The following SOX5 variants were observed in gnomAD, a reference collection of about 807,000 sequenced individuals.
SOX5 encodes SRY-box transcription factor 5.
In SOX5, 9 loss-of-function variants were observed where a neutral mutation model predicts 92.0. The ratio of observed to expected loss-of-function variants is 0.10; its 90% confidence interval spans 0.06 to 0.17. The LOEUF is 0.17. Ranked by LOEUF, SOX5 falls within the 10% of genes least tolerant of loss-of-function variation. SOX5 has a pLI of 1.00. For synonymous variants in SOX5, 344 were observed against 336.3 expected (o/e 1.02, Z -0.25); for missense variants, 642 against 944.5 (o/e 0.68, Z 4.20).
At chr12:23,549,303 TG>T (rs1466660548) in intron 11 of SOX5, among the ~76,000 whole-genome samples, 1 of 151,948 alleles carries the variant, frequency 6.6e-6, no homozygotes, top group Non-Finnish European at 1.5e-5. Flanking sequence ...TAAATGTTGA[TG>T]GGCACAAGTG....
At chr12:24,334,877 T>C (rs2141013367) in intron 2 of SOX5, among the ~76,000 whole-genome samples, 1 of 150,862 alleles carries the variant, frequency 6.6e-6, no homozygotes, top group East Asian at 1.9e-4. Flanking sequence ...AAATGGAATA[T>C]TTTACACCAT....
intron 3 of SOX5, among the ~76,000 whole-genome samples, chr12:23,841,888 C>T (rs1457752971): frequency 1.3e-5 from 2 of 152,066 alleles, no homozygotes; most frequent in Non-Finnish European, 2.9e-5. Context: ...TTTGTCAATG[C>T]ATACTGCATT....
intron 11 of SOX5, among the ~76,000 whole-genome samples, chr12:23,557,931 G>C (rs573306817): frequency 6.7e-6 from 1 of 148,382 alleles, no homozygotes. Flanking sequence ...AGCCAGGATC[G>C]CGCCATTGCA....
At chr12:23,750,943 A>C (rs979093160) in intron 4 of SOX5, among the ~76,000 whole-genome samples, 9 of 151,896 alleles carry the variant, frequency 5.9e-5, no homozygotes, top group Admixed American at 5.9e-4. Flanking sequence ...GGTTTATAGA[A>C]AATGTACTCA....
At position 23,680,649 on chromosome 12, in the gene SOX5, T is replaced by C. The variant is rs111941914; in HGVS notation, c.811-15085A>G. ...TTTGAAAGATATAGGCCCATAAATG[T>C]AATGGGTAAAATTTACACAAGCAGG... On this transcript the variant is annotated intron_variant, in intron 6 of 14. Transcript: ENST00000451604. Among the ~76,000 whole-genome samples the C allele has an allele frequency of 6.9e-3, 1,042 of 152,020 alleles. 7 individuals carry two copies. Among genetic ancestry groups the C allele is most frequent in the African/African-American group, 0.023 (969 of 41,488 alleles).
At chr12:24,186,391 C>A (rs934516271) in intron 4 of SOX5, among the ~76,000 whole-genome samples, 2 of 152,058 alleles carry the variant, frequency 1.3e-5, no homozygotes, top group Non-Finnish European at 2.9e-5. Context: ...TCTTAAGAGG[C>A]GTTTGTTTTT....
intron 1 of SOX5, among the ~76,000 whole-genome samples, chr12:24,372,957 A>G (rs892621364): frequency 2.0e-5 from 3 of 151,398 alleles, no homozygotes; most frequent in African/African-American, 7.3e-5. Flanking sequence ...CTACCAAAAA[A>G]AAAAAAAAAA....
intron 6 of SOX5, among the ~76,000 whole-genome samples, chr12:23,677,887 A>C (rs10842209): frequency 0.011 from 1,636 of 152,086 alleles, 18 homozygotes; most frequent in Non-Finnish European, 0.015. Context: ...CAGCTCCCCC[A>C]ATTCAACTAT....
intron 3 of SOX5, among the ~76,000 whole-genome samples, chr12:23,764,866 GCACT>G (rs780534947): frequency 3.9e-5 from 6 of 151,984 alleles, no homozygotes; most frequent in Non-Finnish European, 5.9e-5. Context: ...GCCTGATAAA[GCACT>G]ACACATCCTG....
At chr12:23,691,148 C>T (rs1302904307) in intron 6 of SOX5, among the ~76,000 whole-genome samples, 1 of 152,122 alleles carries the variant, frequency 6.6e-6, no homozygotes, top group Non-Finnish European at 1.5e-5. Context: ...GAGTGGCAGC[C>T]AGGCCAAAGG....
At chr12:23,802,862 C>T (rs975507625) in intron 3 of SOX5, among the ~76,000 whole-genome samples, 1 of 152,164 alleles carries the variant, frequency 6.6e-6, no homozygotes, top group African/African-American at 2.4e-5. Context: ...GTCTTGCAGT[C>T]TGGCTTCTGA....
chr12:23,653,122 G>A (rs553887650), intron 7 of SOX5, among the ~76,000 whole-genome samples: 36 of 151,940 alleles, frequency 2.4e-4, no homozygotes, highest in Middle Eastern at 3.4e-3. Context: ...CAGACCTTTC[G>A]TGGTTTTCTG....
intron 3 of SOX5, among the ~76,000 whole-genome samples, chr12:24,239,278 C>T (rs1158841758): frequency 6.6e-6 from 1 of 152,018 alleles, no homozygotes; most frequent in African/African-American, 2.4e-5. Context: ...GGCAGTAGCT[C>T]CCTGAATCAA....
At chr12:24,316,797 A>C (rs564392) in intron 2 of SOX5, among the ~76,000 whole-genome samples, 18,071 of 152,164 alleles carry the variant, frequency 0.12, 1,441 homozygotes, top group Non-Finnish European at 0.17. Flanking sequence ...TCTTTATTTT[A>C]TTTTATTTTT....
Position 23,755,734 on chromosome 12 carries a change from G to T in SOX5, c.482-10C>A. On this transcript the variant is annotated splice_polypyrimidine_tract_variant and intron_variant, in intron 3 of 14. Coordinates refer to ENST00000451604, the MANE Select transcript of SOX5 (RefSeq NM_006940.6). ...TCAATACTGGGGGTTTCTAAGTAAA[G>T]AAAAAAAGAAGTGAGCAAATCAACA... 1.3e-6 allele frequency: 2 copies of T among 1,520,368 alleles called. No homozygotes were observed. The highest frequency in any genetic ancestry group is 1.8e-6 in the Non-Finnish European group (2 of 1,128,106). The allele number at this position is 1,520,368 out of a possible 1,614,324, so 94.2% of individuals were successfully genotyped here.
intron 4 of SOX5, among the ~76,000 whole-genome samples, chr12:24,199,148 G>A (rs1049750364): frequency 3.3e-5 from 5 of 152,264 alleles, no homozygotes; most frequent in African/African-American, 9.6e-5. Flanking sequence ...GCCAAAGCAC[G>A]GCCTCTGTGT....
intron 9 of SOX5, among the ~76,000 whole-genome samples, chr12:23,599,806 A>T (rs80153306): frequency 0.14 from 20,888 of 152,184 alleles, 1,774 homozygotes; most frequent in South Asian, 0.21. Flanking sequence ...TCTTCCTCCT[A>T]AAATAACTCT....
intron 1 of SOX5, among the ~76,000 whole-genome samples, chr12:24,511,880 C>G (rs1285510999): frequency 6.6e-6 from 1 of 151,584 alleles, no homozygotes; most frequent in Non-Finnish European, 1.5e-5. Flanking sequence ...ATGGTGTGAA[C>G]CCGGGATGTG....
chr12:23,743,830 A>G (rs74816720), intron 4 of SOX5, among the ~76,000 whole-genome samples: 3,240 of 152,276 alleles, frequency 0.021, 122 homozygotes, highest in African/African-American at 0.074. Flanking sequence ...AAGTCTGCAT[A>G]TAAGTGGACC....
Sources: allele counts gnomAD v4.1 joint callset (sites outside exome capture counted in the v4.1 genomes callset), GRCh38; gene constraint gnomAD v4.1.1; transcripts MANE v1.5; gene names NCBI Gene and HGNC (gene_info 2026-07-23, HGNC 2026-07-21).